ANTXR1: variants seen among roughly 807,000 people sequenced by gnomAD.
ANTXR1 encodes the protein anthrax toxin receptor 1.
In ANTXR1, 19 loss-of-function variants were observed where a neutral mutation model predicts 78.1. The ratio of observed to expected loss-of-function variants is 0.24; its 90% CI spans 0.17 to 0.36. The LOEUF (loss-of-function observed/expected upper bound fraction) is 0.36, where lower values mean the gene tolerates loss of function less well. Among genes scored for constraint, ANTXR1 ranks in the 10% least tolerant of loss-of-function variants. The pLI is 1.00. For synonymous variants in ANTXR1, 273 were observed against 260.5 expected, an observed-to-expected ratio of 1.05 and a Z score of -0.46; for missense variants, 518 against 718.6, an observed-to-expected ratio of 0.72 and a Z score of 3.19.
At chr2:69,128,572 T>C (rs1672624175) in intron 12 of ANTXR1, among the ~76,000 whole-genome samples, 1 of 152,102 alleles carries the variant, frequency 6.6e-6, no homozygotes, top group East Asian at 1.9e-4. Context: ...GAAGAAGAGA[T>C]GGCCAAATTC....
rs181514353 is a variant in ANTXR1 at position 69,124,640 on chromosome 2, C to T, written c.948C>T (p.His316=). ...GTTCTGTCATCATCACCACCACACA[C>T]TGTGTAAGTCATAACCTTTCCCTTT... ...ISSSVIITTT[H]CSDGSILAIA... Residue 316 remains histidine, a synonymous_variant, in exon 12 of 18, where the codon CAC becomes CAT. Transcript: ENST00000303714. 2 of 1,614,068 alleles carry T rather than the reference C, an allele frequency of 1.2e-6. No individual in the cohort carries two copies. Among genetic ancestry groups the T allele is most frequent in the Admixed American group, 1.7e-5 (1 of 60,032 alleles).
Position 69,181,508 on chromosome 2 carries a change from C to T in ANTXR1, c.1090-278C>T, listed in dbSNP as rs141374630. ...ATTAGCATGTAGGTGGGGTTAGATG[C>T]GATTCCCACAAAGGAGTAGAGCTGT... is the stretch of plus-strand genomic sequence containing the variant. On this transcript the variant is annotated intron_variant, in intron 14 of 17. Transcript: ENST00000303714. 9.1e-4 allele frequency among the ~76,000 whole-genome samples: 138 copies of T among 152,238 alleles called. 1 individual carries two copies. The highest frequency in any genetic ancestry group is 3.9e-3 in the South Asian group (19 of 4,824).
intron 17 of ANTXR1, among the ~76,000 whole-genome samples, chr2:69,199,658 C>A (rs563477362): frequency 6.6e-6 from 1 of 152,040 alleles, no homozygotes; most frequent in African/African-American, 2.4e-5. Flanking sequence ...TTTCAAGGTC[C>A]CCCCCTAAAG....
intron 12 of ANTXR1, among the ~76,000 whole-genome samples, chr2:69,137,204 G>A (rs1367531040): frequency 6.6e-6 from 1 of 151,928 alleles, no homozygotes; most frequent in African/African-American, 2.4e-5. Context: ...TTAAGTTTAT[G>A]GTTCTACTTT....
At chr2:69,045,897 A>G (rs1381008338) in intron 3 of ANTXR1, among the ~76,000 whole-genome samples, 2 of 152,124 alleles carry the variant, frequency 1.3e-5, no homozygotes, top group Non-Finnish European at 2.9e-5. Flanking sequence ...CCTTCCCAAG[A>G]ATAGCAAACA....
At chr2:69,146,769 C>G (rs535726401) in intron 12 of ANTXR1, among the ~76,000 whole-genome samples, 29 of 152,346 alleles carry the variant, frequency 1.9e-4, no homozygotes, top group African/African-American at 6.0e-4. Flanking sequence ...TGAGATGAGG[C>G]CTGGGCAGGC....
intron 12 of ANTXR1, among the ~76,000 whole-genome samples, chr2:69,146,673 A>G (rs1163121087): frequency 6.6e-6 from 1 of 152,228 alleles, no homozygotes; most frequent in Non-Finnish European, 1.5e-5. Flanking sequence ...GTGGACTCTC[A>G]GAAGGATCAT....
intron 10 of ANTXR1, among the ~76,000 whole-genome samples, chr2:69,106,366 C>T (rs573571966): frequency 6.6e-6 from 1 of 152,124 alleles, no homozygotes; most frequent in Non-Finnish European, 1.5e-5. Flanking sequence ...TGGCCTCACT[C>T]AAAGGAAAGA....
intron 15 of ANTXR1, among the ~76,000 whole-genome samples, chr2:69,182,203 T>C (rs1674292818): frequency 6.6e-6 from 1 of 152,164 alleles, no homozygotes; most frequent in Admixed American, 6.5e-5. Context: ...CTTTTCTCAC[T>C]GGAATAAAAT....
At chr2:69,036,869 C>T (rs1669447351) in intron 1 of ANTXR1, among the ~76,000 whole-genome samples, 1 of 152,184 alleles carries the variant, frequency 6.6e-6, no homozygotes, top group Admixed American at 6.5e-5. Context: ...AGAGCATCCA[C>T]CCTATGGCTG....
Position 69,247,307 on chromosome 2 carries a change from AAGGTACAGTC to A in ANTXR1, c.*1826_*1835del. 6.5e-6 allele frequency: 1 copy of A among 152,778 alleles called. No homozygotes were observed. The highest frequency in any genetic ancestry group is 2.1e-4 in the South Asian group (1 of 4,828). 9.5% of individuals were successfully genotyped at this position (152,778 alleles called of 1,614,324 possible). A position where few individuals can be genotyped will look rare whatever the true frequency, so the allele number is the denominator to read the frequency against. The stretch of plus-strand genomic sequence containing the variant: ...AGAATGGGAAAGCCAGGGGGCATAA[AAGGTACAGTC>A]AGGGGAAAATAGATCTAGGCAGAGT... On this transcript the variant is annotated 3_prime_UTR_variant, in exon 18 of 18. Transcript: ENST00000303714.
rs144286059 is a variant in ANTXR1, at chr2:69,018,354, C to T, written c.152+4703C>T. ...CAGAGTTCCAACCACAGCACCCACA[C>T]CTGGATGATGCCCTGCTGGTGCTGA... On this transcript the variant is annotated intron_variant, in intron 1 of 17. Transcript: ENST00000303714. Among the ~76,000 whole-genome samples the T allele has an allele frequency of 5.8e-3, 876 of 152,282 alleles. 4 individuals are homozygous for T. Among genetic ancestry groups the T allele is most frequent in the Non-Finnish European group, 9.2e-3 (625 of 68,026 alleles).
chr2:69,117,509 C>T (rs762025941), intron 10 of ANTXR1, among the ~76,000 whole-genome samples: 1 of 152,166 alleles, frequency 6.6e-6, no homozygotes, highest in Non-Finnish European at 1.5e-5. Flanking sequence ...TATCTATACA[C>T]ACACACAAAT....
At chr2:69,167,360 A>T (rs111971961) in intron 13 of ANTXR1, among the ~76,000 whole-genome samples, 4 of 152,222 alleles carry the variant, frequency 2.6e-5, no homozygotes, top group African/African-American at 9.6e-5. Flanking sequence ...CTACAGAGCA[A>T]TGCAGGCTTT....
rs774526674 is a variant in ANTXR1 at position 69,075,646 on chromosome 2, C to T, written c.549C>T (p.Phe183=). 6.2e-7 allele frequency: 1 copy of T among 1,614,024 alleles called. No homozygotes were observed. Among genetic ancestry groups the T allele is most frequent in the Non-Finnish European group, 8.5e-7 (1 of 1,179,960 alleles). Residue 183 remains phenylalanine (F), a synonymous_variant, in exon 7 of 18, where the codon TTC becomes TTT. Coordinates refer to ENST00000303714, the MANE Select transcript of ANTXR1 (RefSeq NM_032208.3). The stretch of plus-strand genomic sequence containing the variant: ...TTTACTGTGTTGGTGTGAAAGATTT[C>T]AATGAGACACAGGTATGGTAATGGA... The part of the protein sequence containing the change: ...AIVYCVGVKD[F]NETQLARIAD...
intron 17 of ANTXR1, among the ~76,000 whole-genome samples, chr2:69,204,786 C>A (rs1043489165): frequency 1.3e-5 from 2 of 152,170 alleles, no homozygotes; most frequent in Admixed American, 1.3e-4. Flanking sequence ...TCCCACCTCC[C>A]AGTACCTTTC....
intron 12 of ANTXR1, chr2:69,145,195 G>A: frequency 2.3e-6 from 2 of 871,350 alleles, no homozygotes; most frequent in Admixed American, 2.2e-5. Flanking sequence ...GCCAGAGGCA[G>A]AGTTACGGGG....
At chr2:69,022,990 T>G (rs1472586620) in intron 1 of ANTXR1, among the ~76,000 whole-genome samples, 1 of 152,186 alleles carries the variant, frequency 6.6e-6, no homozygotes, top group East Asian at 1.9e-4. Context: ...CTCCTTTGCT[T>G]CCTTTCTCAT....
chr2:69,147,165 A>T (rs777923636), intron 12 of ANTXR1, among the ~76,000 whole-genome samples: 8 of 152,188 alleles, frequency 5.3e-5, no homozygotes, highest in African/African-American at 1.9e-4. Context: ...TGCATTCTAC[A>T]TGCCTCCCAG....
Sources: gnomAD v4.1 joint callset for allele counts (sites outside exome capture counted in the v4.1 genomes callset) on GRCh38, gnomAD v4.1.1 for gene constraint, MANE v1.5 for transcripts, NCBI Gene and HGNC (gene_info 2026-07-23, HGNC 2026-07-21) for gene names.